Variants in RDH12 observed in about 807,000 individuals in gnomAD.
RDH12 encodes the protein all-trans and 9-cis retinol dehydrogenase.
In RDH12, 21 loss-of-function variants were observed where a neutral mutation model predicts 34.0. That is an observed-to-expected ratio of 0.62 (90% CI 0.44 to 0.89). The LOEUF (loss-of-function observed/expected upper bound fraction) is 0.89. Among genes scored for constraint, RDH12 ranks in the 40% least tolerant of loss-of-function variants. The pLI is 0.00. For missense variants in RDH12, 394 were observed against 398.6 expected, an observed-to-expected ratio of 0.99 and a Z score of 0.10; for synonymous variants, 198 against 169.9, an observed-to-expected ratio of 1.17 and a Z score of -1.29.
At chr14:67,708,582 A>T (rs1230082588) in intron 1 of RDH12, among the ~76,000 whole-genome samples, 1 of 152,174 alleles carries the variant, frequency 6.6e-6, no homozygotes, top group Admixed American at 6.6e-5. Flanking sequence ...TAACATAACA[A>T]TTATAATTAT....
At chr14:67,729,421 A>T in intron 8 of RDH12, 41 bp downstream of exon 8, 2 of 1,575,972 alleles carry the variant, frequency 1.3e-6, no homozygotes, top group South Asian at 1.1e-5. Context: ...ACCTGTGTGC[A>T]TGGGAGGTGC....
intron 1 of RDH12, among the ~76,000 whole-genome samples, chr14:67,712,472 C>A (rs2038019145): frequency 2.4e-5 from 1 of 42,292 alleles, no homozygotes. Context: ...AGAATTCAGT[C>A]AACTGAGAAG....
chr14:67,717,023 T>C (rs1374645872), intron 1 of RDH12, among the ~76,000 whole-genome samples: 1 of 152,244 alleles, frequency 6.6e-6, no homozygotes, highest in Admixed American at 6.5e-5. Context: ...TCTATCAATC[T>C]ACTTTATTTT....
chr14:67,721,383 A>G (rs2038121303), intron 2 of RDH12, among the ~76,000 whole-genome samples: 1 of 152,144 alleles, frequency 6.6e-6, no homozygotes, highest in African/African-American at 2.4e-5. Context: ...CCTCCCGAGT[A>G]GCTAGGATTA....
intron 3 of RDH12, among the ~76,000 whole-genome samples, chr14:67,723,264 GCT>G (rs1008041648): frequency 6.6e-6 from 1 of 152,152 alleles, no homozygotes; most frequent in East Asian, 1.9e-4. Context: ...TTTAATTTTT[GCT>G]CTGTCACCCC....
chr14:67,727,751 A>G (rs1390348750), intron 7 of RDH12: 1 of 176,588 alleles, frequency 5.7e-6, no homozygotes, highest in African/African-American at 2.4e-5. Flanking sequence ...GGTAACAGGT[A>G]TTATTACTCC....
At chr14:67,710,592 C>T (rs2037999478) in intron 1 of RDH12, among the ~76,000 whole-genome samples, 1 of 151,638 alleles carries the variant, frequency 6.6e-6, no homozygotes, top group East Asian at 1.9e-4. Context: ...AGCTTTCTTA[C>T]AAAAAAAATC....
intron 1 of RDH12, among the ~76,000 whole-genome samples, chr14:67,702,404 T>C (rs1359444996): frequency 6.6e-6 from 1 of 152,208 alleles, no homozygotes; most frequent in East Asian, 1.9e-4. Flanking sequence ...GCTGTATTTC[T>C]TAAACCAACA....
intron 1 of RDH12, chr14:67,717,889 C>A (rs1033840333): frequency 2.6e-5 from 4 of 152,154 alleles, no homozygotes; most frequent in African/African-American, 9.7e-5. Flanking sequence ...CACAGTGAGA[C>A]CCTGTCTCTA....
intron 8 of RDH12, among the ~76,000 whole-genome samples, chr14:67,732,606 C>T (rs886290477): frequency 2.7e-5 from 4 of 150,670 alleles, no homozygotes; most frequent in Non-Finnish European, 5.9e-5. Flanking sequence ...GACGGAGTTT[C>T]GGTCTTGTCG....
Position 67,726,302 on chromosome 14 carries a change from T to C in RDH12, c.448+147T>C, listed in dbSNP as rs1594865849. The C allele has an allele frequency of 4.3e-6, 3 of 702,244 alleles. No individual in the cohort carries two copies. The East Asian group carries it at 8.1e-5, about 19-fold the overall frequency. The allele number at this position is 702,244 out of a possible 1,614,324, so 43.5% of individuals were successfully genotyped here. On this transcript the variant is annotated intron_variant, in intron 6 of 8. Coordinates refer to ENST00000551171, the MANE Select transcript of RDH12 (RefSeq NM_152443.3). ...CTAGACCCATTGGCTTGTTGTTCAC[T>C]GTACCTCTCCTGATCAGTCTAAAAA...
intron 2 of RDH12, 103 bp from the exon 3 acceptor site, chr14:67,722,321 G>C (rs970325441): frequency 1.1e-5 from 5 of 449,434 alleles, no homozygotes; most frequent in Admixed American, 6.8e-5. Context: ...AGAAACAATT[G>C]AGGATGGGGG....
chr14:67,702,965 C>T (rs560404957), intron 1 of RDH12, among the ~76,000 whole-genome samples: 70 of 151,918 alleles, frequency 4.6e-4, no homozygotes, highest in African/African-American at 1.5e-3. Context: ...AGGTGCGTGC[C>T]GCCATGCCCA....
At chr14:67,727,672 A>G (rs753708329) in intron 7 of RDH12, 7 of 207,620 alleles carry the variant, frequency 3.4e-5, no homozygotes, top group Non-Finnish European at 6.8e-5. Context: ...AGAAGAGACG[A>G]GCTTTCACCA....
intron 6 of RDH12, 53 bp from the exon 7 acceptor site, chr14:67,726,928 T>C (rs2038192274): frequency 1.3e-6 from 2 of 1,545,578 alleles, no homozygotes; most frequent in Admixed American, 3.4e-5. Flanking sequence ...TCCCACATGC[T>C]GAGCCTGGGC....
intron 1 of RDH12, among the ~76,000 whole-genome samples, chr14:67,718,177 CTG>C (rs1302384859): frequency 3.9e-5 from 6 of 152,134 alleles, no homozygotes; most frequent in African/African-American, 1.4e-4. Context: ...AAGGAAATAA[CTG>C]TGGTGCTGTA....
At chr14:67,714,642 C>A in intron 1 of RDH12, 1 of 162,234 alleles carries the variant, frequency 6.2e-6, no homozygotes, top group South Asian at 1.6e-4. Flanking sequence ...CCATGCAAAT[C>A]TACAAGAAAG....
At chr14:67,703,247 T>C (rs2037919281) in intron 1 of RDH12, among the ~76,000 whole-genome samples, 1 of 152,250 alleles carries the variant, frequency 6.6e-6, no homozygotes, top group Non-Finnish European at 1.5e-5. Flanking sequence ...GGCTAAATTT[T>C]ATTTGTCCCA....
rs1374822427 is a variant in RDH12, at chr14:67,727,140, G to A, written c.608G>A (p.Ser203Asn). The change falls in exon 7 of 9, where the codon AGC (serine) becomes AAC (asparagine). Residue 203 changes from serine to asparagine, a missense_variant. Ser to Asn is a conservative substitution (Grantham distance 46). Transcript: ENST00000551171. ...AGCAGGGGTTTTGCCTATTGCCACA[G>A]CAAGCTGGCCAATGTGCTTTTTACT... ...RYSRGFAYCHSKLANVLFTRE... is the reference protein window; with the variant it reads ...RYSRGFAYCHNKLANVLFTRE... 1 of 1,614,150 alleles carries A rather than the reference G, an allele frequency of 6.2e-7. No individual in the cohort carries two copies. Among genetic ancestry groups the A allele is most frequent in the South Asian group, 1.1e-5 (1 of 91,062 alleles).
Sources: allele counts gnomAD v4.1 joint callset (sites outside exome capture counted in the v4.1 genomes callset), GRCh38; gene constraint gnomAD v4.1.1; transcripts MANE v1.5; gene names NCBI Gene and HGNC (gene_info 2026-07-23, HGNC 2026-07-21).